Variants in FAM13A observed in about 807,000 individuals in gnomAD.
The protein encoded by FAM13A is family with sequence similarity 13 member A, also known as protein FAM13A.
A neutral mutation model predicts 129.6 loss-of-function variants in FAM13A; 76 were observed. The ratio of observed to expected loss-of-function variants is 0.59; its 90% CI spans 0.49 to 0.71. The LOEUF is 0.71. FAM13A is among the 30% of genes least tolerant of loss of function. FAM13A has a pLI of 0.00. For synonymous variants in FAM13A, 443 were observed against 449.9 expected, an observed-to-expected ratio of 0.98 and a Z score of 0.20; for missense variants, 1,108 against 1,249.3, an observed-to-expected ratio of 0.89 and a Z score of 1.70.
At chr4:89,056,841 A>G in intron 1 of FAM13A, 97 bp downstream of exon 1, 1 of 1,224,558 alleles carries the variant, frequency 8.2e-7, no homozygotes, top group Non-Finnish European at 1.2e-6. Context: ...GGGAAGGAAA[A>G]ATAAGTTACA....
At chr4:88,942,462 G>A (rs1016073802) in intron 4 of FAM13A, among the ~76,000 whole-genome samples, 1 of 152,028 alleles carries the variant, frequency 6.6e-6, no homozygotes, top group African/African-American at 2.4e-5. Context: ...AGCTACTTGG[G>A]AGGCTGAGGG....
Position 88,865,886 on chromosome 4 carries a change from T to C in FAM13A, c.844-14703A>G, listed in dbSNP as rs1227742638. The stretch of plus-strand genomic sequence containing the variant: ...TTTTCCTTTGTCTCTCTCTTTTTTT[T>C]TTTTTTTTTTTTTTTTTTTTTGAGA... On this transcript the variant is annotated intron_variant, in intron 6 of 23. Transcript: ENST00000264344. Among the ~76,000 whole-genome samples the C allele has an allele frequency of 3.0e-5, 4 of 135,366 alleles. No individual in the cohort carries two copies. The East Asian group carries it at 8.4e-4, about 28-fold the overall frequency. 88.8% of individuals were successfully genotyped at this position (135,366 alleles called of 152,430 possible).
rs73841692 is a variant in FAM13A, at chr4:88,750,319, G to A, written c.1940+105C>T. ...AGAATTTCAAATATGTTGCTCCATA[G>A]GCTCACGACTTAATTAAAAAAAATT... On this transcript the variant is annotated intron_variant, in intron 15 of 23. Coordinates refer to ENST00000264344, the MANE Select transcript of FAM13A (RefSeq NM_014883.4). 288 of 899,912 alleles carry A rather than the reference G, an allele frequency of 3.2e-4. 1 individual carries two copies. In the African/African-American group the frequency reaches 4.0e-3, roughly 13 times the overall value. 55.7% of individuals were successfully genotyped at this position (899,912 alleles called of 1,614,324 possible).
chr4:88,841,899 G>A (rs1735893766), intron 7 of FAM13A, among the ~76,000 whole-genome samples: 1 of 152,102 alleles, frequency 6.6e-6, no homozygotes, highest in Admixed American at 6.6e-5. Flanking sequence ...TCCACCCCTA[G>A]GCTTATACCC....
intron 3 of FAM13A, 64 bp from the exon 4 acceptor site, chr4:88,991,214 T>C (rs889860336): frequency 9.1e-6 from 11 of 1,213,180 alleles, no homozygotes; most frequent in East Asian, 4.9e-5. Context: ...CAAAAGCCCA[T>C]AGGTGTAATA....
At chr4:88,856,944 A>C (rs1465044364) in intron 6 of FAM13A, among the ~76,000 whole-genome samples, 2 of 152,208 alleles carry the variant, frequency 1.3e-5, no homozygotes, top group Non-Finnish European at 2.9e-5. Context: ...AAATCATAAA[A>C]AAGCCTTTGT....
chr4:88,883,689 C>T (rs1206555640), intron 6 of FAM13A, among the ~76,000 whole-genome samples: 1 of 151,794 alleles, frequency 6.6e-6, no homozygotes, highest in Non-Finnish European at 1.5e-5. Context: ...GAAATAGAAA[C>T]AAACAAAAAT....
intron 2 of FAM13A, among the ~76,000 whole-genome samples, chr4:89,021,018 C>G (rs748473930): frequency 5.9e-5 from 9 of 152,190 alleles, no homozygotes; most frequent in Non-Finnish European, 1.0e-4. Context: ...CTAACAGCAG[C>G]TTAACACTTC....
intron 2 of FAM13A, among the ~76,000 whole-genome samples, chr4:89,025,280 C>T (rs1358716920): frequency 5.8e-5 from 3 of 51,322 alleles, no homozygotes; most frequent in Non-Finnish European, 1.1e-4. Flanking sequence ...TTTTTTGAGA[C>T]GGAGTCTCGC....
chr4:88,913,189 GGAAGAGGAA>G (rs1749413554), intron 5 of FAM13A, among the ~76,000 whole-genome samples: 2 of 128,656 alleles, frequency 1.6e-5, no homozygotes, highest in Admixed American at 1.6e-4. Context: ...AAGTGGAGGA[GGAAGAGGAA>G]GAGGAAGAAG....
At chr4:88,802,541 G>A (rs776686904) in intron 8 of FAM13A, among the ~76,000 whole-genome samples, 1 of 152,150 alleles carries the variant, frequency 6.6e-6, no homozygotes. Flanking sequence ...AAGGACTGAA[G>A]GTAACTGAAA....
At chr4:88,926,972 C>A (rs1249513121) in intron 5 of FAM13A, among the ~76,000 whole-genome samples, 1 of 152,066 alleles carries the variant, frequency 6.6e-6, no homozygotes, top group African/African-American at 2.4e-5. Context: ...TGTACACACA[C>A]CTACACCCAC....
chr4:88,929,980 C>A (rs905828662), intron 5 of FAM13A, among the ~76,000 whole-genome samples: 3 of 152,136 alleles, frequency 2.0e-5, no homozygotes, highest in African/African-American at 7.2e-5. Flanking sequence ...CTCAAGTGAT[C>A]CTCCTGCTTC....
chr4:88,979,011 A>C (rs1761290843), intron 4 of FAM13A, among the ~76,000 whole-genome samples: 1 of 152,210 alleles, frequency 6.6e-6, no homozygotes, highest in Admixed American at 6.5e-5. Flanking sequence ...GAACTCCTAC[A>C]AATCAGTCAT....
At chr4:88,900,947 GAA>G (rs1228826644) in intron 6 of FAM13A, among the ~76,000 whole-genome samples, 2 of 151,996 alleles carry the variant, frequency 1.3e-5, no homozygotes, top group Non-Finnish European at 2.9e-5. Context: ...AGGGATGGAG[GAA>G]AATTTCCAAG....
At chr4:88,939,351 C>T (rs1358701543) in intron 4 of FAM13A, among the ~76,000 whole-genome samples, 1 of 152,132 alleles carries the variant, frequency 6.6e-6, no homozygotes, top group African/African-American at 2.4e-5. Flanking sequence ...TCCACCATCA[C>T]ACGGCCTTCT....
At chr4:88,736,140 T>TA (rs1295776187) in intron 21 of FAM13A, among the ~76,000 whole-genome samples, 1 of 152,196 alleles carries the variant, frequency 6.6e-6, no homozygotes, top group Non-Finnish European at 1.5e-5. Flanking sequence ...CATCAAGGCT[T>TA]ATTGTAAGAA....
intron 20 of FAM13A, among the ~76,000 whole-genome samples, chr4:88,738,548 C>G (rs1304600279): frequency 6.6e-6 from 1 of 152,194 alleles, no homozygotes; most frequent in Non-Finnish European, 1.5e-5. Context: ...TTTCCTACAC[C>G]TTGCCACATC....
chr4:89,016,171 G>A (rs1398938), intron 3 of FAM13A, among the ~76,000 whole-genome samples: 15,766 of 147,978 alleles, frequency 0.11, 903 homozygotes, highest in African/African-American at 0.15. Context: ...ACTCACATCT[G>A]TGCTTATGCC....
Sources: allele counts gnomAD v4.1 joint callset (sites outside exome capture counted in the v4.1 genomes callset), GRCh38; gene constraint gnomAD v4.1.1; transcripts MANE v1.5; gene names NCBI Gene and HGNC (gene_info 2026-07-23, HGNC 2026-07-21).